MLLT10: variants seen among roughly 807,000 people sequenced by gnomAD.
MLLT10 encodes MLLT10 histone lysine methyltransferase DOT1L cofactor.
A neutral mutation model predicts 129.1 loss-of-function variants in MLLT10; 30 were observed. The observed-to-expected ratio is 0.23, with a 90% CI of 0.17 to 0.32. The LOEUF (loss-of-function observed/expected upper bound fraction) is 0.32. MLLT10 is among the 10% of genes least tolerant of loss of function. The pLI, the probability that MLLT10 is intolerant of heterozygous loss-of-function variation, is 1.00. For missense variants in MLLT10, 1,119 were observed against 1,268.3 expected, an observed-to-expected ratio of 0.88 and a Z score of 1.79; for synonymous variants, 490 against 446.4, an observed-to-expected ratio of 1.10 and a Z score of -1.23.
intron 9 of MLLT10, among the ~76,000 whole-genome samples, chr10:21,669,794 TAAC>T (rs1380914254): frequency 6.6e-6 from 1 of 152,224 alleles, no homozygotes; most frequent in East Asian, 1.9e-4. Context: ...CTTTTTACCT[TAAC>T]AAATGCAGAT....
chr10:21,616,144 T>G (rs1397408233), intron 7 of MLLT10, among the ~76,000 whole-genome samples: 3 of 152,150 alleles, frequency 2.0e-5, no homozygotes, highest in Non-Finnish European at 2.9e-5. Flanking sequence ...GAATGCTTTA[T>G]TTTAATGACT....
At chr10:21,617,232 T>C in intron 8 of MLLT10, 25 bp downstream of exon 8, 1 of 1,330,824 alleles carries the variant, frequency 7.5e-7, no homozygotes, top group Non-Finnish European at 1.0e-6. Flanking sequence ...TGTTGCTAAA[T>C]TTGTAGCACA....
intron 3 of MLLT10, among the ~76,000 whole-genome samples, chr10:21,555,440 C>T (rs1374567006): frequency 6.6e-6 from 1 of 151,820 alleles, no homozygotes; most frequent in East Asian, 2.0e-4. Context: ...CCATGCTGGT[C>T]TCAGACTCCT....
In MLLT10 at chr10:21,715,689, C is replaced by CA. The variant is rs748182175; in HGVS notation, c.1878+1740dup. Among the ~76,000 whole-genome samples the CA allele has an allele frequency of 6.6e-5, 10 of 152,190 alleles. No individual in the cohort carries two copies. The East Asian group carries it at 1.9e-3, about 29-fold the overall frequency. ...CTTCTCATTCATTATGTCTGTGAGC[C>CA]AGGGGGTTGGCATTAGGGAAGTGGT... On this transcript the variant is annotated intron_variant, in intron 14 of 22. Transcript: ENST00000307729.
intron 10 of MLLT10, among the ~76,000 whole-genome samples, chr10:21,672,704 T>C (rs1292896613): frequency 1.3e-5 from 2 of 152,176 alleles, no homozygotes; most frequent in African/African-American, 4.8e-5. Context: ...TCCATGAAAA[T>C]TGGATTGGGA....
chr10:21,732,282 G>C (rs1385721357), intron 17 of MLLT10, among the ~76,000 whole-genome samples: 1 of 152,198 alleles, frequency 6.6e-6, no homozygotes, highest in Non-Finnish European at 1.5e-5. Flanking sequence ...AGGTGATGGG[G>C]CCAGACTGAA....
intron 11 of MLLT10, among the ~76,000 whole-genome samples, chr10:21,676,435 C>G (rs1232737964): frequency 7.3e-6 from 1 of 136,994 alleles, no homozygotes; most frequent in Non-Finnish European, 1.6e-5. Context: ...AAAAATTACT[C>G]TGGGGCTGGG....
At chr10:21,621,696 G>T (rs1394416849) in intron 8 of MLLT10, among the ~76,000 whole-genome samples, 1 of 138,472 alleles carries the variant, frequency 7.2e-6, no homozygotes. Context: ...CCACACCCCT[G>T]CCTCCCATGC....
In MLLT10 at chr10:21,651,747, C is replaced by A; in HGVS notation, c.774C>A (p.Ser258=). ...QPEPSPALVP[S]LTVTTEKTYT... ...AACCATCACCTGCATTGGTTCCATC[C>A]TTGACTGTTACTACAGAAAAAGTAA... is the stretch of plus-strand genomic sequence containing the variant. The change falls in exon 9 of 23, where the codon TCC becomes TCA. Residue 258 remains serine, a synonymous_variant. Coordinates refer to ENST00000307729, the MANE Select transcript of MLLT10 (RefSeq NM_001195626.3). The A allele has an allele frequency of 6.2e-7, 1 of 1,611,908 alleles. No individual in the cohort carries two copies. The highest frequency in any genetic ancestry group is 8.5e-7 in the Non-Finnish European group (1 of 1,178,554).
intron 10 of MLLT10, among the ~76,000 whole-genome samples, chr10:21,671,987 A>G (rs1282989565): frequency 1.3e-5 from 2 of 152,130 alleles, no homozygotes. Context: ...AAAACAAACA[A>G]TAAAACCCAC....
chr10:21,721,932 C>G (rs1739928559), intron 14 of MLLT10, among the ~76,000 whole-genome samples: 1 of 151,848 alleles, frequency 6.6e-6, no homozygotes, highest in African/African-American at 2.4e-5. Context: ...TAGATAACAT[C>G]TTGAGCAGAA....
At chr10:21,573,255 G>A (rs1409616021) in intron 3 of MLLT10, among the ~76,000 whole-genome samples, 1 of 152,106 alleles carries the variant, frequency 6.6e-6, no homozygotes, top group African/African-American at 2.4e-5. Flanking sequence ...TTATAAGTCA[G>A]CTGTAGGGGT....
chr10:21,597,684 T>C (rs2131140610), intron 5 of MLLT10, among the ~76,000 whole-genome samples: 1 of 152,344 alleles, frequency 6.6e-6, no homozygotes, highest in East Asian at 1.9e-4. Context: ...CTTTGGTCTT[T>C]TTAAATCTCA....
At chr10:21,605,904 C>T (rs551574623) in intron 5 of MLLT10, among the ~76,000 whole-genome samples, 1 of 151,996 alleles carries the variant, frequency 6.6e-6, no homozygotes, top group South Asian at 2.1e-4. Context: ...TTTTATTGTA[C>T]TTCACAGGAA....
intron 8 of MLLT10, among the ~76,000 whole-genome samples, chr10:21,643,325 G>A (rs116023748): frequency 0.019 from 2,911 of 152,228 alleles, 87 homozygotes; most frequent in African/African-American, 0.066. Flanking sequence ...GAGCCACCGC[G>A]CCCTGACAGG....
chr10:21,572,521 A>G (rs1289334529), intron 3 of MLLT10, among the ~76,000 whole-genome samples: 1 of 152,068 alleles, frequency 6.6e-6, no homozygotes, highest in Non-Finnish European at 1.5e-5. Context: ...TTAGTATAGT[A>G]TATCTCTCCA....
intron 5 of MLLT10, among the ~76,000 whole-genome samples, chr10:21,598,857 C>G (rs1589156513): frequency 6.6e-6 from 1 of 151,614 alleles, no homozygotes; most frequent in East Asian, 1.9e-4. Flanking sequence ...TTCACTCCAG[C>G]CTGAATAACG....
intron 21 of MLLT10, 150 bp from the exon 22 acceptor site, chr10:21,739,880 A>AT (rs1320133149): frequency 4.6e-6 from 3 of 654,340 alleles, no homozygotes; most frequent in Non-Finnish European, 7.9e-6. Context: ...GATGGTTATT[A>AT]TCTAGTGCAG....
chr10:21,657,055 T>G (rs1013644148), intron 9 of MLLT10, among the ~76,000 whole-genome samples: 9 of 152,104 alleles, frequency 5.9e-5, no homozygotes, highest in Non-Finnish European at 1.0e-4. Flanking sequence ...CACTTCAAAC[T>G]AGTTTCCTTC....
Sources: gnomAD v4.1 joint callset for allele counts (sites outside exome capture counted in the v4.1 genomes callset) on GRCh38, gnomAD v4.1.1 for gene constraint, MANE v1.5 for transcripts, NCBI Gene and HGNC (gene_info 2026-07-23, HGNC 2026-07-21) for gene names.